Variants in KIF1C observed in about 807,000 individuals in gnomAD.
The protein encoded by KIF1C is kinesin family member 1C.
KIF1C carries 61 observed loss-of-function variants against 126.5 expected under a neutral mutation model. That is an observed-to-expected ratio of 0.48 (90% CI 0.39 to 0.60). The LOEUF is 0.60. KIF1C is among the 20% of genes least tolerant of loss of function. The probability of loss-of-function intolerance (pLI) is 0.00; values close to 1 mark genes in which losing one functional copy is unlikely to be tolerated. For missense variants in KIF1C, 1,315 were observed against 1,489.2 expected, an observed-to-expected ratio of 0.88 and a Z score of 1.93; for synonymous variants, 640 against 580.6, an observed-to-expected ratio of 1.10 and a Z score of -1.47.
At position 5,020,784 on chromosome 17, in the gene KIF1C, T is replaced by G. The variant is rs776548449; in HGVS notation, c.1938-22T>G. 6.3e-7 allele frequency: 1 copy of G among 1,597,212 alleles called. No homozygotes were observed. Among genetic ancestry groups the G allele is most frequent in the Admixed American group, 1.8e-5 (1 of 55,930 alleles). ...AGATACTCACCAAGGTTGCTCTTCC[T>G]TCCCTCCCTGTCCAATCCCAGGCTG... is the stretch of plus-strand genomic sequence containing the variant. On this transcript the variant is annotated intron_variant, in intron 20 of 22. Coordinates refer to ENST00000320785, the MANE Select transcript of KIF1C (RefSeq NM_006612.6). The surrounding 1 kb of genome is among the most constrained non-coding windows in gnomAD (Gnocchi z 5.8).
chr17:5,004,490 G>A, intron 11 of KIF1C, 77 bp from the exon 12 acceptor site: 1 of 1,364,464 alleles, frequency 7.3e-7, no homozygotes, highest in Non-Finnish European at 1.0e-6. Flanking sequence ...TGGGCAGTGG[G>A]CCCCAGCCCT....
intron 16 of KIF1C, among the ~76,000 whole-genome samples, chr17:5,012,723 G>A (rs894715472): frequency 9.2e-5 from 14 of 152,168 alleles, no homozygotes; most frequent in African/African-American, 3.1e-4. Context: ...AGAGGTGTGT[G>A]GCACGGCAGC....
At chr17:5,002,437 T>TA in intron 6 of KIF1C, 27 bp from the exon 7 acceptor site, 5 of 1,560,968 alleles carry the variant, frequency 3.2e-6, no homozygotes, top group Non-Finnish European at 4.3e-6. Flanking sequence ...CTAGTTTTGT[T>TA]ACTTCTCATT....
chr17:5,004,880 C>G lies in KIF1C; in HGVS notation c.1045C>G (p.Arg349Gly). 1 of 1,614,256 alleles carries G rather than the reference C, an allele frequency of 6.2e-7. No individual in the cohort carries two copies. The highest frequency in any genetic ancestry group is 8.5e-7 in the Non-Finnish European group (1 of 1,180,052). ...LRYADRTKQI[R>G]CNAIINEDPN... The stretch of plus-strand genomic sequence containing the variant: ...GTATGCTGACCGCACCAAGCAAATC[C>G]GCTGCAATGCCATCATCAACGAGGA... The change falls in exon 13 of 23, where the codon CGC (arginine) becomes GGC (glycine). Residue 349 changes from arginine (R) to glycine (G), a missense_variant. By Grantham distance (125) the Arg-to-Gly change is moderately radical. Transcript: ENST00000320785.
chr17:5,023,664 T>C lies in KIF1C; in HGVS notation c.2825T>C (p.Leu942Pro). 6.2e-7 allele frequency: 1 copy of C among 1,610,606 alleles called. No homozygotes were observed. The highest frequency in any genetic ancestry group is 8.5e-7 in the Non-Finnish European group (1 of 1,178,156). The change falls in exon 23 of 23, where the codon CTC (leucine) becomes CCC (proline). Residue 942 changes from leucine to proline, a missense_variant. By Grantham distance (98) the Leu-to-Pro change is moderately conservative (BLOSUM62 -3). Coordinates refer to ENST00000320785, the MANE Select transcript of KIF1C (RefSeq NM_006612.6). The surrounding 1 kb of genome is among the most constrained non-coding windows in gnomAD (Gnocchi z 4.2). Reference protein sequence around the residue: ...PAFRRGRLRWLKQEQLRLQGL... With the variant: ...PAFRRGRLRWPKQEQLRLQGL... Reference sequence around the variant, plus strand: ...TTCCGTCGTGGTCGTCTTCGCTGGCTCAAGCAGGAGCAGCTACGGCTGCAG... The same window carrying C: ...TTCCGTCGTGGTCGTCTTCGCTGGCCCAAGCAGGAGCAGCTACGGCTGCAG...
Position 5,002,802 on chromosome 17 carries a change from A to G in KIF1C, c.680A>G (p.Gln227Arg), listed in dbSNP as rs764827083. The change falls in exon 8 of 23, where the codon CAG (glutamine) becomes CGG (arginine). Residue 227 changes from glutamine (Q) to arginine (R), a missense_variant. Gln to Arg is a conservative substitution (Grantham distance 43). This residue lies in a region of KIF1C where 874 missense variants were observed against 1,053.2 expected (regional missense o/e 0.83). Transcript: ENST00000320785. ...GCCGTCTTTACCATCGTCTTCACACAGCGCTGCCATGACCAGCTCACGGGG... is the reference window on the plus strand; with the variant it reads ...GCCGTCTTTACCATCGTCTTCACACGGCGCTGCCATGACCAGCTCACGGGG... ...SHAVFTIVFT[Q>R]RCHDQLTGLD... 2.5e-6 allele frequency: 4 copies of G among 1,613,702 alleles called. No homozygotes were observed. Among genetic ancestry groups the G allele is most frequent in the East Asian group, 2.2e-5 (1 of 44,818 alleles).
chr17:5,011,471 G>A (rs535753529), intron 16 of KIF1C: 2 of 152,336 alleles, frequency 1.3e-5, no homozygotes, highest in Admixed American at 6.5e-5. Flanking sequence ...GATGTCCTAG[G>A]CTTCTAGAGA....
chr17:5,002,553 C>T lies in KIF1C; in HGVS notation c.519C>T (p.Ile173=). ...CTCTGCGGGTCCGGGAGCACCCCAT[C>T]CTGGGCCCGTACGTGCAGGACCTGT... The part of the protein sequence containing the change: ...RGSLRVREHP[I]LGPYVQDLSK... Residue 173 remains isoleucine (I), a synonymous_variant, in exon 7 of 23, where the codon ATC becomes ATT. Transcript: ENST00000320785. 4 of 1,614,138 alleles carry T rather than the reference C, an allele frequency of 2.5e-6. No individual in the cohort carries two copies. Among genetic ancestry groups the T allele is most frequent in the Non-Finnish European group, 3.4e-6 (4 of 1,179,976 alleles).
intron 5 of KIF1C, 76 bp downstream of exon 5, chr17:5,001,477 C>T (rs1049302353): frequency 5.7e-6 from 8 of 1,414,522 alleles, no homozygotes; most frequent in South Asian, 3.7e-5. Context: ...GGACTAGGGT[C>T]GGAGGATTAT....
rs1017968749 is a variant in KIF1C, at chr17:5,002,298, A to G, written c.430-166A>G. ...TCATCTGGGAGACGCTGTTGATCGGACACACCTCCTGGCTTGTTGGGCAGG... is the reference window on the plus strand; with the variant it reads ...TCATCTGGGAGACGCTGTTGATCGGGCACACCTCCTGGCTTGTTGGGCAGG... On this transcript the variant is annotated intron_variant, in intron 6 of 22. Transcript: ENST00000320785. Among the ~76,000 whole-genome samples, 9 of 152,156 alleles carry G rather than the reference A, an allele frequency of 5.9e-5. No individual in the cohort carries two copies. In the South Asian group the frequency reaches 8.3e-4, roughly 14 times the overall value.
chr17:5,002,831 G>A lies in KIF1C; in HGVS notation c.709G>A (p.Asp237Asn). The A allele has an allele frequency of 6.2e-7, 1 of 1,609,340 alleles. No individual in the cohort carries two copies. The highest frequency in any genetic ancestry group is 8.5e-7 in the Non-Finnish European group (1 of 1,178,370). Residue 237 changes from aspartate to asparagine, a missense_variant, in exon 8 of 23, where the codon GAC becomes AAC. Coordinates refer to ENST00000320785, the MANE Select transcript of KIF1C (RefSeq NM_006612.6). ...QRCHDQLTGL[D>N]SEKVSKISLV... ...CTGCCATGACCAGCTCACGGGGCTG[G>A]ACTCGGAGAAGGTGGGATCGCCCCC...
rs55675853 is a variant in KIF1C at position 5,002,332 on chromosome 17, C to G, written c.430-132C>G. On this transcript the variant is annotated intron_variant, in intron 6 of 22. Transcript: ENST00000320785. ...CTGGCTTGTTGGGCAGGTCGCTGAG[C>G]TAGCATCTGCAGAATGCTTCGCACT... 0.098 allele frequency: 98,034 copies of G among 999,054 alleles called. 5,416 individuals are homozygous for G. The highest frequency in any genetic ancestry group is 0.11 in the Non-Finnish European group (74,957 of 659,622). 61.9% of individuals were successfully genotyped at this position (999,054 alleles called of 1,614,324 possible).
Position 5,002,596 on chromosome 17 carries a change from T to C in KIF1C, c.562T>C (p.Ser188Pro). The part of the protein sequence containing the change: ...VQDLSKLAVT[S>P]YADIADLMDC... ...GGACCTGTCCAAATTGGCTGTGACCTCCTACGCAGACATTGCTGACCTCAT... is the reference window on the plus strand; with the variant it reads ...GGACCTGTCCAAATTGGCTGTGACCCCCTACGCAGACATTGCTGACCTCAT... The change falls in exon 7 of 23, where the codon TCC (serine) becomes CCC (proline). Residue 188 changes from serine (S) to proline (P), a missense_variant. This residue lies in a region of KIF1C where 874 missense variants were observed against 1,053.2 expected (regional missense o/e 0.83). Transcript: ENST00000320785. The C allele has an allele frequency of 6.2e-7, 1 of 1,613,824 alleles. No homozygotes were observed. The highest frequency in any genetic ancestry group is 8.5e-7 in the Non-Finnish European group (1 of 1,179,786).
chr17:5,020,719 CG>C lies in KIF1C; in HGVS notation c.1937+42del, dbSNP rs559638392. 1 of 1,610,422 alleles carries C rather than the reference CG, an allele frequency of 6.2e-7. No homozygotes were observed. Among genetic ancestry groups the C allele is most frequent in the South Asian group, 1.1e-5 (1 of 90,910 alleles). On this transcript the variant is annotated intron_variant, in intron 20 of 22. Transcript: ENST00000320785. The surrounding 1 kb of genome is among the most constrained non-coding windows in gnomAD (Gnocchi z 5.8). ...CCACGTGCCCCATGGCCGTCTAGGC[CG>C]TCCCTCCCGGGCCTCTGGGCCCGTG...
At position 5,023,533 on chromosome 17, in the gene KIF1C, A is replaced by G. The variant is rs773159298; in HGVS notation, c.2694A>G (p.Ala898=). 21 of 1,613,730 alleles carry G rather than the reference A, an allele frequency of 1.3e-5. No individual in the cohort carries two copies. The highest frequency in any genetic ancestry group is 1.8e-5 in the Non-Finnish European group (21 of 1,179,942). The change falls in exon 23 of 23, where the codon GCA becomes GCG. Residue 898 remains alanine, a synonymous_variant. Transcript: ENST00000320785. This position sits in a 1 kb window ranked among gnomAD's most constrained non-coding sequence, Gnocchi z 4.2. The stretch of plus-strand genomic sequence containing the variant: ...GGGCCCCGCCTGAAGGATCAGAGGC[A>G]GCAGAGGAGGCAGCCCCCAGTGACC... ...VPWAPPEGSE[A]AEEAAPSDRM...
rs1975057648 is a variant in KIF1C, at chr17:5,020,140, G to A, written c.1750+61G>A. ...GTGGCTGTGTGTAGGAAGTCTCAAG[G>A]GAGGTCCTTCTGGGTGCATCCTAGA... On this transcript the variant is annotated intron_variant, in intron 19 of 22. Transcript: ENST00000320785. The surrounding 1 kb of genome is among the most constrained non-coding windows in gnomAD (Gnocchi z 5.8). The A allele has an allele frequency of 7.6e-7, 1 of 1,312,274 alleles. No individual in the cohort carries two copies. Among genetic ancestry groups the A allele is most frequent in the Non-Finnish European group, 1.1e-6 (1 of 927,658 alleles). The allele number at this position is 1,312,274 out of a possible 1,614,324, so 81.3% of individuals were successfully genotyped here.
At chr17:4,998,474 C>G (rs945263402) in intron 1 of KIF1C, among the ~76,000 whole-genome samples, 3 of 152,182 alleles carry the variant, frequency 2.0e-5, no homozygotes, top group African/African-American at 4.8e-5. Context: ...CTCCTTGTAC[C>G]CCACGGCTCC....
In KIF1C at chr17:5,003,874, C is replaced by T. The variant is rs1241963621; in HGVS notation, c.822C>T (p.Ser274=). The T allele has an allele frequency of 1.9e-6, 3 of 1,613,970 alleles. No individual in the cohort carries two copies. Among genetic ancestry groups the T allele is most frequent in the East Asian group, 2.2e-5 (1 of 44,886 alleles). Residue 274 remains serine, a synonymous_variant, in exon 10 of 23, where the codon TCC becomes TCT. Coordinates refer to ENST00000320785, the MANE Select transcript of KIF1C (RefSeq NM_006612.6). The part of the protein sequence containing the change: ...RLKEGANINK[S]LTTLGKVISA... ...AGGAAGGAGCCAACATCAATAAGTC[C>T]CTGACTACACTAGGGAAAGTGATCT...
chr17:5,017,232 C>T (rs1430508983), intron 18 of KIF1C, among the ~76,000 whole-genome samples: 1 of 151,306 alleles, frequency 6.6e-6, no homozygotes, highest in Non-Finnish European at 1.5e-5. Context: ...TAAAGGCAGC[C>T]AATGATTCTG....
Sources: allele counts gnomAD v4.1 joint callset (sites outside exome capture counted in the v4.1 genomes callset), GRCh38; gene constraint gnomAD v4.1.1; regional missense constraint gnomAD v4.1.1; non-coding constraint Gnocchi (gnomAD v3.1); transcripts MANE v1.5; gene names NCBI Gene and HGNC (gene_info 2026-07-23, HGNC 2026-07-21).